The following KLHL7 variants were observed in gnomAD, a reference collection of about 807,000 sequenced individuals.
KLHL7 encodes kelch-like protein 7.
A neutral mutation model predicts 67.4 loss-of-function variants in KLHL7; 44 were observed. The ratio of observed to expected loss-of-function variants is 0.65; its 90% CI spans 0.51 to 0.84. The LOEUF (loss-of-function observed/expected upper bound fraction) is 0.84. Ranked by LOEUF, KLHL7 falls within the 40% of genes least tolerant of loss-of-function variation. The pLI is 0.00. For synonymous variants in KLHL7, 252 were observed against 243.3 expected, an observed-to-expected ratio of 1.04 and a Z score of -0.33; for missense variants, 362 against 718.1, an observed-to-expected ratio of 0.50 and a Z score of 5.67.
chr7:23,118,086 T>A, intron 1 of KLHL7: 1 of 1,231,410 alleles, frequency 8.1e-7, no homozygotes, highest in Non-Finnish European at 1.2e-6. Flanking sequence ...TACAGTGCTT[T>A]AGCACTTACA....
chr7:23,107,074 A>G (rs1782673721), intron 1 of KLHL7, among the ~76,000 whole-genome samples: 1 of 152,164 alleles, frequency 6.6e-6, no homozygotes, highest in South Asian at 2.1e-4. Context: ...AATATGGGCA[A>G]CAGTAGAGGA....
At chr7:23,141,066 T>A in intron 5 of KLHL7, 122 bp downstream of exon 5, 1 of 881,206 alleles carries the variant, frequency 1.1e-6, no homozygotes, top group Non-Finnish European at 1.8e-6. Context: ...TTCTTTACAC[T>A]AAACAGAGTA....
At chr7:23,133,732 C>T (rs765216991) in intron 4 of KLHL7, among the ~76,000 whole-genome samples, 1 of 152,148 alleles carries the variant, frequency 6.6e-6, no homozygotes, top group Non-Finnish European at 1.5e-5. Context: ...CCATGCCCAG[C>T]CCTCTTATTT....
At chr7:23,145,229 CT>C (rs61242955) in intron 6 of KLHL7, among the ~76,000 whole-genome samples, 30 of 147,726 alleles carry the variant, frequency 2.0e-4, no homozygotes, top group Admixed American at 2.7e-4. Context: ...CCTTTTCTTT[CT>C]TTTTTTTTTT....
At chr7:23,130,347 C>T (rs1028743581) in intron 4 of KLHL7, among the ~76,000 whole-genome samples, 2 of 152,142 alleles carry the variant, frequency 1.3e-5, no homozygotes, top group Non-Finnish European at 2.9e-5. Flanking sequence ...TCCAGAAAAA[C>T]AGCAACTGGA....
At chr7:23,124,815 A>G in intron 3 of KLHL7, 34 bp downstream of exon 3, 2 of 1,373,340 alleles carry the variant, frequency 1.5e-6, no homozygotes, top group Non-Finnish European at 2.1e-6. Context: ...TTAGAGAAGT[A>G]ATGTTGGTAT....
At chr7:23,131,136 T>C (rs921629156) in intron 4 of KLHL7, among the ~76,000 whole-genome samples, 3 of 152,216 alleles carry the variant, frequency 2.0e-5, no homozygotes, top group Admixed American at 2.0e-4. Flanking sequence ...GCAACAAGGA[T>C]GCATGCTTAT....
At chr7:23,114,842 T>C (rs1466823215) in intron 1 of KLHL7, among the ~76,000 whole-genome samples, 1 of 152,206 alleles carries the variant, frequency 6.6e-6, no homozygotes, top group Non-Finnish European at 1.5e-5. Context: ...CTCTAGATGT[T>C]CTGTGGTGAA....
Position 23,105,866 on chromosome 7 carries a change from G to T in KLHL7, c.-161G>T. On this transcript the variant is annotated 5_prime_UTR_variant, in exon 1 of 11. Coordinates refer to ENST00000339077, the MANE Select transcript of KLHL7 (RefSeq NM_001031710.3). Reference sequence around the variant, plus strand: ...GGGGGCCGCCCGGCCTTGTCTTTCGGCAGTGGCCGAGCCACCGCCGCCTGC... The same window carrying T: ...GGGGGCCGCCCGGCCTTGTCTTTCGTCAGTGGCCGAGCCACCGCCGCCTGC... 2.8e-6 allele frequency: 3 copies of T among 1,077,406 alleles called. No individual in the cohort carries two copies. The highest frequency in any genetic ancestry group is 4.1e-6 in the Non-Finnish European group (3 of 736,008). The allele number at this position is 1,077,406 out of a possible 1,614,324, so 66.7% of individuals were successfully genotyped here.
intron 8 of KLHL7, 83 bp from the exon 9 acceptor site, chr7:23,167,753 T>C: frequency 7.9e-7 from 1 of 1,257,878 alleles, no homozygotes; most frequent in African/African-American, 1.5e-5. Context: ...CTTCCTTCCT[T>C]AACTAATAAG....
chr7:23,150,410 T>G (rs1283876053), intron 6 of KLHL7, among the ~76,000 whole-genome samples: 1 of 152,198 alleles, frequency 6.6e-6, no homozygotes, highest in Admixed American at 6.5e-5. Flanking sequence ...AATTTGTATA[T>G]TTGCATTAAA....
chr7:23,125,927 G>A, intron 4 of KLHL7: 2 of 1,314,298 alleles, frequency 1.5e-6, no homozygotes, highest in Non-Finnish European at 2.1e-6. Flanking sequence ...ACTGCAGATA[G>A]TACTGAATCC....
chr7:23,138,648 C>A (rs1187690122), intron 4 of KLHL7, among the ~76,000 whole-genome samples: 2 of 151,774 alleles, frequency 1.3e-5, no homozygotes, highest in Non-Finnish European at 2.9e-5. Flanking sequence ...AGTGATCCTC[C>A]TGCCTCAGCC....
chr7:23,109,071 G>C (rs1217003804), intron 1 of KLHL7, among the ~76,000 whole-genome samples: 2 of 152,148 alleles, frequency 1.3e-5, no homozygotes, highest in Non-Finnish European at 2.9e-5. Context: ...AGGAATTTTT[G>C]AGTCATAAGC....
At chr7:23,150,108 T>G (rs529002788) in intron 6 of KLHL7, among the ~76,000 whole-genome samples, 4 of 152,096 alleles carry the variant, frequency 2.6e-5, no homozygotes, top group Non-Finnish European at 4.4e-5. Flanking sequence ...TAGTGAGTTG[T>G]TATGGCACCA....
chr7:23,154,298 T>A (rs930511478), intron 7 of KLHL7, among the ~76,000 whole-genome samples: 1 of 152,132 alleles, frequency 6.6e-6, no homozygotes, highest in Non-Finnish European at 1.5e-5. Flanking sequence ...AAGGTTGCAG[T>A]GAGCTGAGAT....
intron 8 of KLHL7, among the ~76,000 whole-genome samples, chr7:23,167,589 A>G (rs1164417620): frequency 6.6e-6 from 1 of 152,194 alleles, no homozygotes; most frequent in Non-Finnish European, 1.5e-5. Flanking sequence ...TTATTTTTCT[A>G]AAGTTTAATT....
At chr7:23,127,481 G>A (rs1489318327) in intron 4 of KLHL7, among the ~76,000 whole-genome samples, 2 of 152,174 alleles carry the variant, frequency 1.3e-5, no homozygotes, top group African/African-American at 4.8e-5. Context: ...GCTTCTGCTT[G>A]CTTTCTGTTT....
chr7:23,119,236 G>A (rs922237130), intron 1 of KLHL7, among the ~76,000 whole-genome samples: 2 of 151,762 alleles, frequency 1.3e-5, no homozygotes, highest in African/African-American at 2.4e-5. Context: ...ACAGAATCTC[G>A]CTCTGTTGTC....
Sources: allele counts gnomAD v4.1 joint callset (sites outside exome capture counted in the v4.1 genomes callset), GRCh38; gene constraint gnomAD v4.1.1; transcripts MANE v1.5; gene names NCBI Gene and HGNC (gene_info 2026-07-23, HGNC 2026-07-21).